Variants in CD226 observed in about 807,000 individuals in gnomAD.
CD226 encodes CD226 antigen.
In CD226, 24 loss-of-function variants were observed where a neutral mutation model predicts 34.9. The ratio of observed to expected loss-of-function variants is 0.69; its 90% CI spans 0.50 to 0.97. The LOEUF (loss-of-function observed/expected upper bound fraction) is 0.97. Ranked by LOEUF, CD226 falls within the 50% of genes least tolerant of loss-of-function variation. CD226 has a pLI of 0.00. For synonymous variants in CD226, 148 were observed against 147.4 expected, an observed-to-expected ratio of 1.00 and a Z score of -0.03; for missense variants, 397 against 412.7, an observed-to-expected ratio of 0.96 and a Z score of 0.33.
chr18:69,917,699 T>C (rs2055402522), intron 2 of CD226, among the ~76,000 whole-genome samples: 1 of 152,230 alleles, frequency 6.6e-6, no homozygotes, highest in African/African-American at 2.4e-5. Context: ...TGCTTTCGTC[T>C]ATCATTGTGA....
At position 69,947,465 on chromosome 18, in the gene CD226, T is replaced by C. The variant is rs2055808578; in HGVS notation, c.-59A>G. The C allele has an allele frequency of 1.9e-6, 2 of 1,059,420 alleles. No homozygotes were observed. Among genetic ancestry groups the C allele is most frequent in the East Asian group, 2.4e-5 (1 of 41,506 alleles). The allele number at this position is 1,059,420 out of a possible 1,614,324, so 65.6% of individuals were successfully genotyped here. The stretch of plus-strand genomic sequence containing the variant: ...AAAAAAAAAATTGCTTTTTATAATG[T>C]GACATGCAGATCCCCAGCACAATGC... On this transcript the variant is annotated 5_prime_UTR_variant, in exon 1 of 6. Coordinates refer to ENST00000582621, the MANE Select transcript of CD226 (RefSeq NM_001303618.2).
In CD226 at chr18:69,854,469, G is replaced by A. The variant is rs562020423; in HGVS notation, c.*9845C>T. On this transcript the variant is annotated 3_prime_UTR_variant, in exon 6 of 6. Coordinates refer to ENST00000582621, the MANE Select transcript of CD226 (RefSeq NM_001303618.2). ...GAAACTCCAAGGTTCTCATTATGAG[G>A]ATCCAAGAAAAATTTCCTCGTGGCT... 2 of 152,326 alleles carry A rather than the reference G, an allele frequency of 1.3e-5. No homozygotes were observed. Among genetic ancestry groups the A allele is most frequent in the Admixed American group, 1.3e-4 (2 of 15,302 alleles). 9.4% of individuals were successfully genotyped at this position (152,326 alleles called of 1,614,324 possible).
chr18:69,919,066 G>A (rs2055419766), intron 2 of CD226, among the ~76,000 whole-genome samples: 2 of 152,178 alleles, frequency 1.3e-5, no homozygotes, highest in African/African-American at 4.8e-5. Context: ...GGACCTGGCA[G>A]CCAAATGAAG....
chr18:69,860,964 G>T lies in CD226; in HGVS notation c.*3350C>A, dbSNP rs1465516380. The T allele has an allele frequency of 6.6e-6, 1 of 151,956 alleles. No homozygotes were observed. Among genetic ancestry groups the T allele is most frequent in the Non-Finnish European group, 1.5e-5 (1 of 67,942 alleles). 9.4% of individuals were successfully genotyped at this position (151,956 alleles called of 1,614,324 possible). A position where few individuals can be genotyped will look rare whatever the true frequency, so the allele number is the denominator to read the frequency against. ...TTATAAATCAAGGAGAAGCATTTTG[G>T]TCACAGTGATCTCTAATTACAATGT... On this transcript the variant is annotated 3_prime_UTR_variant, in exon 6 of 6. Transcript: ENST00000582621.
chr18:69,906,300 T>A (rs1194878074), intron 2 of CD226, among the ~76,000 whole-genome samples: 1 of 152,216 alleles, frequency 6.6e-6, no homozygotes, highest in Non-Finnish European at 1.5e-5. Flanking sequence ...TAAAATTAAG[T>A]TAATTCTAAA....
chr18:69,961,133 G>C (rs1193818138), upstream of CD226, among the ~76,000 whole-genome samples: 1 of 152,146 alleles, frequency 6.6e-6, no homozygotes, highest in Non-Finnish European at 1.5e-5. Flanking sequence ...CTATCCAAAA[G>C]AACAGCAAAA....
chr18:69,917,242 T>G (rs548903180), intron 2 of CD226, among the ~76,000 whole-genome samples: 1 of 152,328 alleles, frequency 6.6e-6, no homozygotes, highest in African/African-American at 2.4e-5. Flanking sequence ...GCACATATTC[T>G]AAGGCCTAAT....
In CD226 at chr18:69,861,554, G is replaced by GTATATATATATATATATACATA. The variant is rs1555675812; in HGVS notation, c.*2759_*2760insTATGTATATATATATATATATA. 5 of 127,948 alleles carry GTATATATATATATATATACATA rather than the reference G, an allele frequency of 3.9e-5. 1 individual carries two copies. The highest frequency in any genetic ancestry group is 2.6e-4 in the Admixed American group (3 of 11,704). 7.9% of individuals were successfully genotyped at this position (127,948 alleles called of 1,614,324 possible). ...ATAAATTATATGTGTATATATATAT[G>GTATATATATATATATATACATA]TATATATATATATATATATGTAAAA... On this transcript the variant is annotated 3_prime_UTR_variant, in exon 6 of 6. Coordinates refer to ENST00000582621, the MANE Select transcript of CD226 (RefSeq NM_001303618.2).
At chr18:69,907,206 C>T (rs1315288476) in intron 2 of CD226, among the ~76,000 whole-genome samples, 4 of 152,238 alleles carry the variant, frequency 2.6e-5, no homozygotes, top group Non-Finnish European at 4.4e-5. Context: ...TCAGGGACTG[C>T]TTCTGGTGAA....
intron 2 of CD226, among the ~76,000 whole-genome samples, chr18:69,930,865 C>T (rs1239394739): frequency 1.3e-5 from 2 of 152,194 alleles, no homozygotes; most frequent in Non-Finnish European, 1.5e-5. Context: ...AAGGTCCCTT[C>T]ATGTTAGACT....
intron 2 of CD226, among the ~76,000 whole-genome samples, chr18:69,923,221 AAGAG>A (rs956268056): frequency 9.9e-5 from 15 of 151,618 alleles, no homozygotes; most frequent in African/African-American, 3.6e-4. Flanking sequence ...GGGAGAAAGA[AAGAG>A]AGAGAGAAAG....
intron 4 of CD226, among the ~76,000 whole-genome samples, chr18:69,867,818 T>C (rs917216452): frequency 1.3e-5 from 2 of 151,928 alleles, no homozygotes; most frequent in Admixed American, 6.6e-5. Context: ...TGAAGCTTTA[T>C]AAAATCTTTT....
chr18:69,917,203 A>T (rs1333426945), intron 2 of CD226, among the ~76,000 whole-genome samples: 1 of 152,176 alleles, frequency 6.6e-6, no homozygotes, highest in East Asian at 1.9e-4. Context: ...GTATCCCCAA[A>T]GCCTCCAGGA....
intron 2 of CD226, among the ~76,000 whole-genome samples, chr18:69,911,830 A>G (rs1043026804): frequency 6.6e-6 from 1 of 152,088 alleles, no homozygotes; most frequent in Non-Finnish European, 1.5e-5. Flanking sequence ...CTCATTTTAC[A>G]TGTGTGTATG....
chr18:69,950,968 ATT>A (rs1367145868), upstream of CD226, among the ~76,000 whole-genome samples: 2 of 102,660 alleles, frequency 1.9e-5, no homozygotes, highest in Non-Finnish European at 3.8e-5. Flanking sequence ...GAAAACTATG[ATT>A]TTGTGTGTGT....
intron 2 of CD226, among the ~76,000 whole-genome samples, chr18:69,939,676 C>T (rs2055699281): frequency 6.6e-6 from 1 of 152,126 alleles, no homozygotes; most frequent in Non-Finnish European, 1.5e-5. Context: ...TATCATTTTC[C>T]AAAACAGGTA....
intron 1 of CD226, among the ~76,000 whole-genome samples, chr18:69,956,396 GT>G (rs1228337205): frequency 6.6e-6 from 1 of 152,206 alleles, no homozygotes; most frequent in Non-Finnish European, 1.5e-5. Flanking sequence ...GTTCATCCTT[GT>G]TCAGTCTTGC....
chr18:69,869,825 G>C (rs1172374736), intron 4 of CD226, among the ~76,000 whole-genome samples: 2 of 141,584 alleles, frequency 1.4e-5, no homozygotes, highest in African/African-American at 5.2e-5. Flanking sequence ...TTTTGAGATG[G>C]AGTCTCGCTC....
At chr18:69,882,663 G>A (rs1354203771) in intron 3 of CD226, among the ~76,000 whole-genome samples, 5 of 152,094 alleles carry the variant, frequency 3.3e-5, no homozygotes, top group Admixed American at 1.3e-4. Flanking sequence ...AGACTATATA[G>A]ATGCTTCAAA....
Sources: gnomAD v4.1 joint callset for allele counts (sites outside exome capture counted in the v4.1 genomes callset) on GRCh38, gnomAD v4.1.1 for gene constraint, MANE v1.5 for transcripts, NCBI Gene and HGNC (gene_info 2026-07-23, HGNC 2026-07-21) for gene names.